The following AKAP13 variants were observed in gnomAD, a reference collection of about 807,000 sequenced individuals.
AKAP13 encodes the protein A-kinase anchoring protein 13, also known as A-kinase anchor protein 13.
AKAP13 carries 80 observed loss-of-function variants against 264.5 expected under a neutral mutation model. The observed-to-expected ratio is 0.30, with a 90% CI of 0.25 to 0.36. The LOEUF (loss-of-function observed/expected upper bound fraction) is 0.36. Among genes scored for constraint, AKAP13 ranks in the 10% least tolerant of loss-of-function variants. The probability of loss-of-function intolerance (pLI) is 1.00; values close to 1 mark genes in which losing one functional copy is unlikely to be tolerated. For missense variants in AKAP13, 3,712 were observed against 3,435.2 expected (o/e 1.08, Z -2.01); for synonymous variants, 1,380 against 1,250.2 (o/e 1.10, Z -2.19).
At position 85,745,426 on chromosome 15, in the gene AKAP13, C is replaced by G. The variant is rs1037168055; in HGVS notation, c.*749C>G. The G allele has an allele frequency of 1.3e-5, 2 of 152,174 alleles. No homozygotes were observed. The highest frequency in any genetic ancestry group is 4.8e-5 in the African/African-American group (2 of 41,420). The allele number at this position is 152,174 out of a possible 1,614,324, so 9.4% of individuals were successfully genotyped here. A position where few individuals can be genotyped will look rare whatever the true frequency, so the allele number is the denominator to read the frequency against. ...TTCAGGCACTAAAGCAACAAAACAA[C>G]CCATAGTATCTCATTCTGTCATCAG... On this transcript the variant is annotated 3_prime_UTR_variant, in exon 37 of 37. Coordinates refer to ENST00000394518, the MANE Select transcript of AKAP13 (RefSeq NM_007200.5).
At position 85,543,841 on chromosome 15, in the gene AKAP13, T is replaced by C. The variant is rs1259877945; in HGVS notation, c.548T>C (p.Leu183Pro). 1 of 1,614,168 alleles carries C rather than the reference T, an allele frequency of 6.2e-7. No homozygotes were observed. The highest frequency in any genetic ancestry group is 8.5e-7 in the Non-Finnish European group (1 of 1,179,998). ...GGACTGCTGAGGTTGACGTGGTTCC[T>C]GTTGCAGAAGCCAGGTGGCCGCGGA... ...RLGLLRLTWF[L>P]LQKPGGRGAL... Residue 183 changes from leucine to proline, a missense_variant, in exon 5 of 37, where the codon CTG becomes CCG. Coordinates refer to ENST00000394518, the MANE Select transcript of AKAP13 (RefSeq NM_007200.5).
At position 85,692,234 on chromosome 15, in the gene AKAP13, A is replaced by G. The variant is rs999494824; in HGVS notation, c.5290-1043A>G. 7.2e-5 allele frequency among the ~76,000 whole-genome samples: 11 copies of G among 152,206 alleles called. No individual in the cohort carries two copies. The East Asian group carries it at 7.7e-4, about 11-fold the overall frequency. ...CTTTCTGTGTTGGCTTAGGAGAATA[A>G]TGAGCTAATGAAACTCATTTCCAGT... On this transcript the variant is annotated intron_variant, in intron 16 of 36. Transcript: ENST00000394518.
At chr15:85,611,303 C>T (rs1397415868) in intron 8 of AKAP13, among the ~76,000 whole-genome samples, 4 of 152,172 alleles carry the variant, frequency 2.6e-5, no homozygotes, top group Non-Finnish European at 5.9e-5. Flanking sequence ...TGGCTCTGCT[C>T]AGATATCTCT....
intron 2 of AKAP13, among the ~76,000 whole-genome samples, chr15:85,491,016 C>T (rs184115055): frequency 3.0e-4 from 45 of 152,230 alleles, no homozygotes; most frequent in African/African-American, 1.1e-3. Flanking sequence ...GGAACAAATG[C>T]AGAAACTCTA....
intron 2 of AKAP13, among the ~76,000 whole-genome samples, chr15:85,518,434 A>G (rs969835723): frequency 6.6e-6 from 1 of 152,242 alleles, no homozygotes; most frequent in African/African-American, 2.4e-5. Flanking sequence ...CTAAATTTCA[A>G]GAGGCTTTGA....
At chr15:85,404,449 C>T (rs1165802364) in intron 1 of AKAP13, among the ~76,000 whole-genome samples, 1 of 152,208 alleles carries the variant, frequency 6.6e-6, no homozygotes, top group Non-Finnish European at 1.5e-5. Context: ...TTTGCCCATT[C>T]ATGCATTTGA....
chr15:85,534,094 G>T lies in AKAP13; in HGVS notation c.478+214G>T, dbSNP rs889259735. ...GTTGTTGCAGCGAAATGACCCTAGG[G>T]ATTACCCAAGGAGAGTGGCACGTCA... On this transcript the variant is annotated intron_variant, in intron 4 of 36. Coordinates refer to ENST00000394518, the MANE Select transcript of AKAP13 (RefSeq NM_007200.5). 7.7e-6 allele frequency: 4 copies of T among 517,946 alleles called. No individual in the cohort carries two copies. In the South Asian group the frequency reaches 1.4e-4, roughly 18 times the overall value. The allele number at this position is 517,946 out of a possible 1,614,324, so 32.1% of individuals were successfully genotyped here. A position where few individuals can be genotyped will look rare whatever the true frequency, so the allele number is the denominator to read the frequency against.
intron 8 of AKAP13, among the ~76,000 whole-genome samples, chr15:85,592,715 T>C (rs891297351): frequency 3.3e-5 from 5 of 152,208 alleles, no homozygotes; most frequent in African/African-American, 9.7e-5. Flanking sequence ...AGACTCTCTG[T>C]ATCTCCTCTG....
At chr15:85,404,239 T>C (rs748514544) in intron 1 of AKAP13, among the ~76,000 whole-genome samples, 4 of 152,252 alleles carry the variant, frequency 2.6e-5, no homozygotes, top group Non-Finnish European at 5.9e-5. Flanking sequence ...CTCTTTTAGC[T>C]GTCACCTGTT....
At chr15:85,402,164 G>A (rs1054418308) in intron 1 of AKAP13, among the ~76,000 whole-genome samples, 4 of 152,200 alleles carry the variant, frequency 2.6e-5, no homozygotes, top group South Asian at 4.1e-4. Context: ...AAGTCCTGGA[G>A]ATCCTTGGAA....
chr15:85,618,099 T>G (rs1596739922), intron 8 of AKAP13, among the ~76,000 whole-genome samples: 1 of 152,220 alleles, frequency 6.6e-6, no homozygotes. Flanking sequence ...ACCTTATGGC[T>G]TTTATTTCAG....
intron 2 of AKAP13, among the ~76,000 whole-genome samples, chr15:85,504,503 C>CAAAAAAAAAAAACAAAA (rs2076133834): frequency 1.1e-5 from 1 of 91,068 alleles, no homozygotes; most frequent in Non-Finnish European, 1.9e-5. Context: ...CCTGTCTTTA[C>CAAAAAAAAAAAACAAAA]AAAAAAAAAA....
Position 85,749,170 on chromosome 15 carries a change from C to G in AKAP13, c.*4493C>G, listed in dbSNP as rs2089450587. The G allele has an allele frequency of 6.6e-6, 1 of 152,204 alleles. No individual in the cohort carries two copies. The highest frequency in any genetic ancestry group is 6.5e-5 in the Admixed American group (1 of 15,280). The allele number at this position is 152,204 out of a possible 1,614,324, so 9.4% of individuals were successfully genotyped here. A position where few individuals can be genotyped will look rare whatever the true frequency, so the allele number is the denominator to read the frequency against. On this transcript the variant is annotated 3_prime_UTR_variant, in exon 37 of 37. Coordinates refer to ENST00000394518, the MANE Select transcript of AKAP13 (RefSeq NM_007200.5). ...GGTTAAAACCCAGATGCTGTATATT[C>G]ATTTGTAATTATGTATAAAGTGAAG...
At chr15:85,542,561 A>G (rs1596478641) in intron 4 of AKAP13, among the ~76,000 whole-genome samples, 1 of 152,274 alleles carries the variant, frequency 6.6e-6, no homozygotes, top group Admixed American at 6.5e-5. Context: ...AGAAGTTTAG[A>G]CCCGTGGGAG....
At chr15:85,709,978 G>A (rs558264327) in intron 18 of AKAP13, among the ~76,000 whole-genome samples, 2 of 152,174 alleles carry the variant, frequency 1.3e-5, no homozygotes, top group South Asian at 4.1e-4. Flanking sequence ...GTGAGTCACC[G>A]CACCCTGCCT....
At chr15:85,512,679 A>C (rs2076470533) in intron 2 of AKAP13, among the ~76,000 whole-genome samples, 1 of 152,210 alleles carries the variant, frequency 6.6e-6, no homozygotes, top group Non-Finnish European at 1.5e-5. Context: ...AAATGGAGAT[A>C]AAGATACCTT....
chr15:85,737,287 C>T (rs1156410922), intron 33 of AKAP13, among the ~76,000 whole-genome samples: 3 of 152,220 alleles, frequency 2.0e-5, no homozygotes, highest in East Asian at 3.9e-4. Context: ...TCATGGTGTC[C>T]TTCTGGAAGG....
At chr15:85,650,422 T>C (rs1270537114) in intron 10 of AKAP13, among the ~76,000 whole-genome samples, 1 of 147,494 alleles carries the variant, frequency 6.8e-6, no homozygotes, top group Non-Finnish European at 1.5e-5. Context: ...CAGAGGGAGA[T>C]GCTGTCTTAA....
chr15:85,656,582 G>A (rs1204364414), intron 11 of AKAP13, among the ~76,000 whole-genome samples: 1 of 152,152 alleles, frequency 6.6e-6, no homozygotes, highest in Non-Finnish European at 1.5e-5. Context: ...AAGTAGCTGG[G>A]ACTACAGGCG....
Sources: gnomAD v4.1 joint callset for allele counts (sites outside exome capture counted in the v4.1 genomes callset) on GRCh38, gnomAD v4.1.1 for gene constraint, MANE v1.5 for transcripts, NCBI Gene and HGNC (gene_info 2026-07-23, HGNC 2026-07-21) for gene names.